Variants in LAMA2 observed in about 807,000 individuals in gnomAD.
LAMA2 encodes laminin subunit alpha-2.
In LAMA2, 269 loss-of-function variants were observed where a neutral mutation model predicts 364.8. The ratio of observed to expected loss-of-function variants is 0.74; its 90% CI spans 0.67 to 0.82. The LOEUF (loss-of-function observed/expected upper bound fraction) is 0.82, where lower values mean the gene tolerates loss of function less well. Among genes scored for constraint, LAMA2 ranks in the 40% least tolerant of loss-of-function variants. The pLI is 0.00. For synonymous variants in LAMA2, 1,379 were observed against 1,370.6 expected, an observed-to-expected ratio of 1.01 and a Z score of -0.14; for missense variants, 3,807 against 3,873.2, an observed-to-expected ratio of 0.98 and a Z score of 0.45.
chr6:129,132,027 C>T (rs190617006), intron 4 of LAMA2, among the ~76,000 whole-genome samples: 230 of 152,278 alleles, frequency 1.5e-3, no homozygotes, highest in African/African-American at 4.8e-3. Context: ...CTACAACCTT[C>T]GTGTTGGTCC....
intron 1 of LAMA2, among the ~76,000 whole-genome samples, chr6:129,027,119 CT>C (rs1211310932): frequency 6.6e-6 from 1 of 152,012 alleles, no homozygotes; most frequent in Non-Finnish European, 1.5e-5. Context: ...AATGAACAAA[CT>C]TTGAGAACAG....
intron 1 of LAMA2, among the ~76,000 whole-genome samples, chr6:128,908,844 C>T (rs1380486548): frequency 6.7e-6 from 1 of 149,000 alleles, no homozygotes; most frequent in Non-Finnish European, 1.5e-5. Context: ...TGTCTTTGTT[C>T]TTGTCGGTTT....
chr6:129,424,943 TAAAA>T (rs1781253831), intron 40 of LAMA2, among the ~76,000 whole-genome samples: 1 of 147,584 alleles, frequency 6.8e-6, no homozygotes, highest in African/African-American at 2.7e-5. Context: ...TAATTACCAA[TAAAA>T]AGGATCAAAT....
At chr6:128,955,641 G>A (rs1349391839) in intron 1 of LAMA2, among the ~76,000 whole-genome samples, 1 of 151,858 alleles carries the variant, frequency 6.6e-6, no homozygotes, top group East Asian at 1.9e-4. Context: ...TTTGGATACA[G>A]TTTGGGTTTA....
At position 129,443,128 on chromosome 6, in the gene LAMA2, A is replaced by G. The variant is rs73775412; in HGVS notation, c.6274+60A>G. ...CGCTCATGCTTCATTGCCTATTGCA[A>G]AAAGTTTCAGCTTTGCATGTACTAT... is the stretch of plus-strand genomic sequence containing the variant. On this transcript the variant is annotated intron_variant, in intron 44 of 64. Transcript: ENST00000421865. The G allele has an allele frequency of 4.9e-3, 6,547 of 1,332,388 alleles. 245 individuals carry two copies. In the African/African-American group the frequency reaches 0.084, roughly 17 times the overall value. The allele number at this position is 1,332,388 out of a possible 1,614,324, so 82.5% of individuals were successfully genotyped here.
chr6:129,498,474 G>A (rs972575390), intron 58 of LAMA2, among the ~76,000 whole-genome samples: 2 of 152,134 alleles, frequency 1.3e-5, no homozygotes, highest in African/African-American at 4.8e-5. Flanking sequence ...TACTGTAAAT[G>A]CCCAAGACCC....
At chr6:129,027,360 A>G (rs977900097) in intron 1 of LAMA2, among the ~76,000 whole-genome samples, 1 of 152,026 alleles carries the variant, frequency 6.6e-6, no homozygotes, top group Non-Finnish European at 1.5e-5. Flanking sequence ...ATAGTTTTTA[A>G]TATGTGGAGG....
At chr6:128,928,488 T>C (rs1779236192) in intron 1 of LAMA2, among the ~76,000 whole-genome samples, 1 of 152,178 alleles carries the variant, frequency 6.6e-6, no homozygotes, top group Admixed American at 6.5e-5. Context: ...TCCAAAGGTA[T>C]GACAAAGACG....
chr6:129,208,162 G>A (rs1317137856), intron 12 of LAMA2, among the ~76,000 whole-genome samples: 2 of 152,148 alleles, frequency 1.3e-5, no homozygotes, highest in Non-Finnish European at 2.9e-5. Flanking sequence ...TTTAGCACAG[G>A]AAAGGAAATT....
At chr6:129,199,442 A>T (rs193042963) in intron 12 of LAMA2, among the ~76,000 whole-genome samples, 119 of 152,320 alleles carry the variant, frequency 7.8e-4, no homozygotes, top group African/African-American at 2.8e-3. Flanking sequence ...AACATGAAAC[A>T]ATTCTCACTA....
rs398123371 is a variant in LAMA2, at chr6:129,297,790, C to T, written c.2962C>T (p.Gln988Ter). The T allele has an allele frequency of 1.9e-6, 3 of 1,614,020 alleles. No homozygotes were observed. Among genetic ancestry groups the T allele is most frequent in the Non-Finnish European group, 2.5e-6 (3 of 1,179,952 alleles). The change falls in exon 21 of 65, where the codon CAA becomes TAA. Residue 988 changes from glutamine to a stop codon, truncating the protein, a stop_gained. Transcript: ENST00000421865. LOFTEE classifies it high-confidence loss of function. Reference sequence around the variant, plus strand: ...TGAAGAGAGTGGACAATGTTGGTGCCAACCTGGAGTCACAGGGAAGAAATG... The same window carrying T: ...TGAAGAGAGTGGACAATGTTGGTGCTAACCTGGAGTCACAGGGAAGAAATG... ...DCEESGQCWC[Q>*]PGVTGKKCDR...
At chr6:129,076,673 T>C (rs1259095148) in intron 3 of LAMA2, among the ~76,000 whole-genome samples, 2 of 151,400 alleles carry the variant, frequency 1.3e-5, no homozygotes, top group Non-Finnish European at 2.9e-5. Flanking sequence ...AAATAGCCAA[T>C]AAAATTGTGT....
chr6:129,463,953 T>C (rs748253727), intron 49 of LAMA2, among the ~76,000 whole-genome samples: 5 of 151,970 alleles, frequency 3.3e-5, no homozygotes, highest in Non-Finnish European at 5.9e-5. Flanking sequence ...TAATGTATTC[T>C]CAGCCCATCC....
intron 63 of LAMA2, among the ~76,000 whole-genome samples, chr6:129,513,134 G>T (rs1786735385): frequency 6.6e-6 from 1 of 152,128 alleles, no homozygotes; most frequent in African/African-American, 2.4e-5. Context: ...TTTTCTATTT[G>T]GTTATTAAAT....
intron 34 of LAMA2, among the ~76,000 whole-genome samples, chr6:129,370,533 A>C: frequency 6.6e-6 from 1 of 152,256 alleles, no homozygotes; most frequent in East Asian, 1.9e-4. Flanking sequence ...TTAAATTTTC[A>C]AAACTGCGAT....
intron 12 of LAMA2, among the ~76,000 whole-genome samples, chr6:129,235,676 G>A (rs920798490): frequency 2.0e-5 from 3 of 152,124 alleles, no homozygotes; most frequent in Admixed American, 6.6e-5. Context: ...TTGTTCTAAA[G>A]GGTACCTATA....
chr6:128,915,965 T>C (rs894377769), intron 1 of LAMA2, among the ~76,000 whole-genome samples: 1 of 152,214 alleles, frequency 6.6e-6, no homozygotes, highest in African/African-American at 2.4e-5. Flanking sequence ...AGCTAATTAG[T>C]CACTATTTTA....
At chr6:129,112,313 C>G in intron 4 of LAMA2, among the ~76,000 whole-genome samples, 1 of 151,930 alleles carries the variant, frequency 6.6e-6, no homozygotes, top group South Asian at 2.1e-4. Flanking sequence ...CAGTTAAAGA[C>G]ATTTTTCTCT....
At chr6:129,228,673 A>G (rs1784486789) in intron 12 of LAMA2, among the ~76,000 whole-genome samples, 2 of 152,192 alleles carry the variant, frequency 1.3e-5, no homozygotes, top group African/African-American at 4.8e-5. Flanking sequence ...TTTAATTATA[A>G]TATTGTAAAA....
Sources: allele counts gnomAD v4.1 joint callset (sites outside exome capture counted in the v4.1 genomes callset), GRCh38; gene constraint gnomAD v4.1.1; transcripts MANE v1.5; gene names NCBI Gene and HGNC (gene_info 2026-07-23, HGNC 2026-07-21).